Variants in GRIA1 observed in about 807,000 individuals in gnomAD.
GRIA1 encodes glutamate receptor 1.
Under a neutral mutation model 99.2 loss-of-function variants are expected in GRIA1, and 31 were observed. The observed-to-expected ratio is 0.31, with a 90% CI of 0.23 to 0.42. The LOEUF is 0.42. GRIA1 is among the 10% of genes least tolerant of loss of function. GRIA1 has a pLI of 1.00. For missense variants in GRIA1, 782 were observed against 1,157.5 expected, an observed-to-expected ratio of 0.68 and a Z score of 4.71; for synonymous variants, 438 against 432.4, an observed-to-expected ratio of 1.01 and a Z score of -0.16.
intron 2 of GRIA1, among the ~76,000 whole-genome samples, chr5:153,626,571 A>C (rs1405714930): frequency 6.6e-6 from 1 of 151,588 alleles, no homozygotes; most frequent in Non-Finnish European, 1.5e-5. Flanking sequence ...GAAAGTATAG[A>C]CCCTTAGCTC....
intron 2 of GRIA1, among the ~76,000 whole-genome samples, chr5:153,502,483 C>T (rs1339432122): frequency 6.6e-6 from 1 of 152,088 alleles, no homozygotes; most frequent in East Asian, 1.9e-4. Context: ...GGTGTAAGTC[C>T]AATTGAAAGC....
chr5:153,774,726 A>G (rs1764108267), intron 13 of GRIA1, among the ~76,000 whole-genome samples: 1 of 152,216 alleles, frequency 6.6e-6, no homozygotes, highest in Non-Finnish European at 1.5e-5. Context: ...TCACCCAGTT[A>G]TGCTTCAGAA....
chr5:153,606,004 T>C (rs1160598636), intron 2 of GRIA1, among the ~76,000 whole-genome samples: 1 of 152,196 alleles, frequency 6.6e-6, no homozygotes, highest in African/African-American at 2.4e-5. Context: ...ATATTTTGTT[T>C]AGGAAAACTT....
At chr5:153,736,370 T>G (rs1761378319) in intron 11 of GRIA1, among the ~76,000 whole-genome samples, 1 of 152,216 alleles carries the variant, frequency 6.6e-6, no homozygotes, top group Non-Finnish European at 1.5e-5. Flanking sequence ...ATCATTTCCA[T>G]AAGACAAGAG....
rs75027030 is a variant in GRIA1, at chr5:153,549,764, T to C, written c.220+55699T>C. ...TCTAGAAATTCCAAGAAGATCTTTT[T>C]TCTACTGTTATGATGCCCAGGGGAG... On this transcript the variant is annotated intron_variant, in intron 2 of 15. Coordinates refer to ENST00000285900, the MANE Select transcript of GRIA1 (RefSeq NM_000827.4). Among the ~76,000 whole-genome samples the C allele has an allele frequency of 9.7e-3, 1,479 of 152,300 alleles. 12 individuals are homozygous for C. The highest frequency in any genetic ancestry group is 0.019 in the South Asian group (91 of 4,824).
chr5:153,642,564 A>T (rs1753846168), intron 2 of GRIA1, among the ~76,000 whole-genome samples: 1 of 151,532 alleles, frequency 6.6e-6, no homozygotes, highest in African/African-American at 2.4e-5. Context: ...TCAACTCTAC[A>T]GTTTGGAGCT....
chr5:153,712,597 T>C (rs1450260634), intron 11 of GRIA1, among the ~76,000 whole-genome samples: 2 of 129,630 alleles, frequency 1.5e-5, no homozygotes, highest in Non-Finnish European at 3.4e-5. Context: ...GATGTCACTG[T>C]AGTATTGTGG....
chr5:153,699,660 G>A (rs547996354), intron 10 of GRIA1, among the ~76,000 whole-genome samples: 33 of 151,618 alleles, frequency 2.2e-4, no homozygotes, highest in Non-Finnish European at 3.1e-4. Context: ...AATTGTTCTC[G>A]CCTTCCCCTA....
At chr5:153,660,155 C>A (rs907258388) in intron 5 of GRIA1, among the ~76,000 whole-genome samples, 3 of 152,028 alleles carry the variant, frequency 2.0e-5, no homozygotes, top group Non-Finnish European at 4.4e-5. Context: ...ATGACAAAAA[C>A]CAAGAGATGT....
intron 2 of GRIA1, among the ~76,000 whole-genome samples, chr5:153,528,287 T>A (rs1209795433): frequency 1.3e-5 from 2 of 152,214 alleles, no homozygotes; most frequent in African/African-American, 4.8e-5. Context: ...GTTTTTGGGT[T>A]TTTGATCTTC....
At chr5:153,727,898 G>A (rs1760684745) in intron 11 of GRIA1, among the ~76,000 whole-genome samples, 1 of 145,602 alleles carries the variant, frequency 6.9e-6, no homozygotes, top group Non-Finnish European at 1.5e-5. Flanking sequence ...AGTTCATATG[G>A]AACCAAAAAA....
intron 7 of GRIA1, among the ~76,000 whole-genome samples, chr5:153,682,475 T>C (rs1378999482): frequency 6.6e-6 from 1 of 152,194 alleles, no homozygotes; most frequent in Non-Finnish European, 1.5e-5. Context: ...GGCAAAGAAC[T>C]TGCTAAGTCG....
At chr5:153,669,796 T>C (rs1756016447) in intron 5 of GRIA1, among the ~76,000 whole-genome samples, 1 of 152,172 alleles carries the variant, frequency 6.6e-6, no homozygotes, top group African/African-American at 2.4e-5. Context: ...TTATGTTTCT[T>C]TTTCTTGCTT....
At chr5:153,548,818 A>C (rs1759848588) in intron 2 of GRIA1, among the ~76,000 whole-genome samples, 1 of 152,162 alleles carries the variant, frequency 6.6e-6, no homozygotes, top group Non-Finnish European at 1.5e-5. Context: ...TGGGTTTTTT[A>C]TTATTTTCTA....
chr5:153,560,541 A>G (rs187924077), intron 2 of GRIA1, among the ~76,000 whole-genome samples: 2 of 152,302 alleles, frequency 1.3e-5, no homozygotes, highest in Admixed American at 6.5e-5. Flanking sequence ...AATAAGTCTC[A>G]TGAGATCTGA....
intron 2 of GRIA1, among the ~76,000 whole-genome samples, chr5:153,613,443 T>C (rs1308850088): frequency 6.6e-6 from 1 of 152,214 alleles, no homozygotes; most frequent in African/African-American, 2.4e-5. Context: ...GTCATGCACA[T>C]CTACACACAC....
intron 2 of GRIA1, among the ~76,000 whole-genome samples, chr5:153,545,608 T>A (rs906641679): frequency 6.6e-6 from 1 of 152,126 alleles, no homozygotes; most frequent in Non-Finnish European, 1.5e-5. Flanking sequence ...ATGTGGGAGC[T>A]AACTGCATGC....
In GRIA1 at chr5:153,587,085, G is replaced by C. The variant is rs1763552773; in HGVS notation, c.221-59843G>C. ...TGGGATGGTAGTGTGATATAGTTTGGATGTTTGCTCCCACCCAAATCTCAT... is the reference window on the plus strand; with the variant it reads ...TGGGATGGTAGTGTGATATAGTTTGCATGTTTGCTCCCACCCAAATCTCAT... On this transcript the variant is annotated intron_variant, in intron 2 of 15. Transcript: ENST00000285900. Among the ~76,000 whole-genome samples the C allele has an allele frequency of 2.6e-5, 4 of 152,278 alleles. No homozygotes were observed. The South Asian group carries it at 8.3e-4, about 32-fold the overall frequency.
At chr5:153,764,300 T>G in intron 11 of GRIA1, 134 bp from the exon 12 acceptor site, 1 of 666,846 alleles carries the variant, frequency 1.5e-6, no homozygotes, top group South Asian at 1.7e-5. Flanking sequence ...TTCTCACATC[T>G]TGCTGACAGA....
Sources: allele counts gnomAD v4.1 joint callset (sites outside exome capture counted in the v4.1 genomes callset), GRCh38; gene constraint gnomAD v4.1.1; transcripts MANE v1.5; gene names NCBI Gene and HGNC (gene_info 2026-07-23, HGNC 2026-07-21).